The following DCDC1 variants were observed in gnomAD, a reference collection of about 807,000 sequenced individuals.
DCDC1 encodes doublecortin domain-containing protein 1.
Under a neutral mutation model 178.3 loss-of-function variants are expected in DCDC1, and 200 were observed. The ratio of observed to expected loss-of-function variants is 1.12; its 90% CI spans 1.00 to 1.26. DCDC1 has a LOEUF of 1.26. Among genes scored for constraint, DCDC1 ranks in the 50% most tolerant of loss-of-function variants. DCDC1 has a pLI of 0.00. For missense variants in DCDC1, 1,983 were observed against 1,749.2 expected, an observed-to-expected ratio of 1.13 and a Z score of -2.38; for synonymous variants, 690 against 604.8, an observed-to-expected ratio of 1.14 and a Z score of -2.07.
chr11:31,359,246 A>C (rs1439819692), intron 1 of DCDC1, among the ~76,000 whole-genome samples: 1 of 152,174 alleles, frequency 6.6e-6, no homozygotes, highest in African/African-American at 2.4e-5. Flanking sequence ...ATGGAATACT[A>C]TGCAGCCATA....
chr11:31,053,770 A>T (rs1955413959), intron 20 of DCDC1, among the ~76,000 whole-genome samples: 1 of 152,210 alleles, frequency 6.6e-6, no homozygotes, highest in Non-Finnish European at 1.5e-5. Context: ...AAAATCCAGC[A>T]TCCCTTTATG....
chr11:31,309,544 G>T (rs1948648104), intron 3 of DCDC1, among the ~76,000 whole-genome samples: 1 of 152,090 alleles, frequency 6.6e-6, no homozygotes, highest in Admixed American at 6.5e-5. Flanking sequence ...CCTGGGGGAA[G>T]ACCAGTAAAC....
chr11:30,892,748 A>G, intron 36 of DCDC1, 70 bp downstream of exon 36: 2 of 1,575,670 alleles, frequency 1.3e-6, no homozygotes, highest in Middle Eastern at 3.4e-4. Context: ...GCTTGACCAA[A>G]CAATCTAGAA....
intron 7 of DCDC1, among the ~76,000 whole-genome samples, chr11:31,275,154 T>G (rs935701779): frequency 2.6e-5 from 4 of 152,160 alleles, no homozygotes; most frequent in African/African-American, 7.2e-5. Context: ...TATATATTAT[T>G]TCTAATTTAA....
At chr11:31,096,984 T>C (rs1305760716) in intron 15 of DCDC1, among the ~76,000 whole-genome samples, 5 of 152,196 alleles carry the variant, frequency 3.3e-5, no homozygotes, top group African/African-American at 1.2e-4. Flanking sequence ...AACATTTAGA[T>C]TGAGACTGGT....
At chr11:31,326,596 CAG>C (rs1034597881) in intron 3 of DCDC1, among the ~76,000 whole-genome samples, 20 of 152,056 alleles carry the variant, frequency 1.3e-4, no homozygotes, top group African/African-American at 4.8e-4. Context: ...ATATAACACA[CAG>C]GGTATTCATT....
chr11:31,301,640 G>A (rs187313231), intron 6 of DCDC1, among the ~76,000 whole-genome samples: 21 of 152,224 alleles, frequency 1.4e-4, no homozygotes, highest in African/African-American at 3.9e-4. Flanking sequence ...CATTATGGAC[G>A]CAGATATGAG....
At chr11:31,173,948 T>C (rs534157309) in intron 9 of DCDC1, among the ~76,000 whole-genome samples, 1 of 152,202 alleles carries the variant, frequency 6.6e-6, no homozygotes, top group Non-Finnish European at 1.5e-5. Context: ...CTAGCTGCAG[T>C]GGGGGAGGTT....
intron 32 of DCDC1, among the ~76,000 whole-genome samples, chr11:30,901,155 T>C (rs1944640467): frequency 1.3e-5 from 2 of 152,070 alleles, no homozygotes; most frequent in African/African-American, 4.8e-5. Flanking sequence ...GAAAATGCAC[T>C]TTTCCTGGTT....
chr11:31,245,851 A>G (rs992096491), intron 8 of DCDC1, among the ~76,000 whole-genome samples: 21 of 152,066 alleles, frequency 1.4e-4, no homozygotes, highest in African/African-American at 5.1e-4. Context: ...AAGAAAATAA[A>G]CTGTTCAGGC....
chr11:31,051,416 G>A (rs1010775434), intron 20 of DCDC1, among the ~76,000 whole-genome samples: 1 of 152,164 alleles, frequency 6.6e-6, no homozygotes, highest in African/African-American at 2.4e-5. Flanking sequence ...GAATAATCAA[G>A]GAAAACTTCC....
chr11:31,126,039 G>C (rs1001223575), intron 11 of DCDC1, among the ~76,000 whole-genome samples: 1 of 152,116 alleles, frequency 6.6e-6, no homozygotes, highest in East Asian at 1.9e-4. Flanking sequence ...ATAAGTGATA[G>C]AAATTCTTCA....
At chr11:31,337,144 A>G (rs1950312179) in intron 1 of DCDC1, among the ~76,000 whole-genome samples, 1 of 152,220 alleles carries the variant, frequency 6.6e-6, no homozygotes, top group Non-Finnish European at 1.5e-5. Context: ...GCTTTCAAAA[A>G]CCTAAAATAC....
In DCDC1 at chr11:31,005,970, A is replaced by C. The variant is rs549737846; in HGVS notation, c.2592-53402T>G. Among the ~76,000 whole-genome samples the C allele has an allele frequency of 4.2e-3, 629 of 149,528 alleles. 12 individuals carry two copies. The highest frequency in any genetic ancestry group is 0.014 in the African/African-American group (571 of 40,468). On this transcript the variant is annotated intron_variant, in intron 20 of 38. Transcript: ENST00000684477. ...TATTCCTGAAAAAAAAAAAAAAAAA[A>C]AAAAAAAACTTTTGGTCCTATTGAC...
intron 20 of DCDC1, among the ~76,000 whole-genome samples, chr11:31,055,594 AC>A (rs1252473252): frequency 6.6e-6 from 1 of 152,244 alleles, no homozygotes. Context: ...GAATTGTGGA[AC>A]CAACCCAAAT....
At chr11:31,289,010 A>G (rs1947033403) in intron 7 of DCDC1, among the ~76,000 whole-genome samples, 1 of 152,006 alleles carries the variant, frequency 6.6e-6, no homozygotes. Flanking sequence ...TTCTATCATG[A>G]ATTTGTGAAA....
intron 23 of DCDC1, among the ~76,000 whole-genome samples, chr11:30,923,200 T>C (rs1590376982): frequency 6.6e-6 from 1 of 152,298 alleles, no homozygotes; most frequent in African/African-American, 2.4e-5. Context: ...ACGTTGTCTA[T>C]GGCTGCTTTC....
chr11:30,987,568 T>C (rs1338814262), intron 20 of DCDC1, among the ~76,000 whole-genome samples: 1 of 151,888 alleles, frequency 6.6e-6, no homozygotes, highest in Admixed American at 6.6e-5. Context: ...TTTTATGGAG[T>C]CATCAGGAAA....
At chr11:31,306,200 T>C (rs763256072) in intron 5 of DCDC1, 32 bp downstream of exon 5, 7 of 1,437,008 alleles carry the variant, frequency 4.9e-6, no homozygotes, top group Admixed American at 2.6e-5. Context: ...GGAAAAAAAA[T>C]AAAGCACAGA....
Sources: gnomAD v4.1 joint callset for allele counts (sites outside exome capture counted in the v4.1 genomes callset) on GRCh38, gnomAD v4.1.1 for gene constraint, MANE v1.5 for transcripts, NCBI Gene and HGNC (gene_info 2026-07-23, HGNC 2026-07-21) for gene names.